The following PCNX2 variants were observed in gnomAD, a reference collection of about 807,000 sequenced individuals.
PCNX2 encodes the protein pecanex 2, also known as pecanex-like protein 2.
PCNX2 carries 168 observed loss-of-function variants against 223.8 expected under a neutral mutation model. That is an observed-to-expected ratio of 0.75 (90% CI 0.66 to 0.85). PCNX2 has a LOEUF of 0.85. Ranked by LOEUF, PCNX2 falls within the 40% of genes least tolerant of loss-of-function variation. PCNX2 has a pLI of 0.00. For missense variants in PCNX2, 2,507 were observed against 2,675.5 expected (o/e 0.94, Z 1.39); for synonymous variants, 1,006 against 1,052.6 (o/e 0.96, Z 0.86).
intron 28 of PCNX2, among the ~76,000 whole-genome samples, chr1:233,012,181 C>CTCTCTATAAAATTTCCTAAAA (rs1670492035): frequency 6.6e-6 from 1 of 152,170 alleles, no homozygotes; most frequent in South Asian, 2.1e-4. Context: ...TTTCCCTAAA[C>CTCTCTATAAAATTTCCTAAAA]AGTATCTATA....
At chr1:233,077,947 G>C (rs920618849) in intron 23 of PCNX2, among the ~76,000 whole-genome samples, 1 of 152,140 alleles carries the variant, frequency 6.6e-6, no homozygotes, top group Non-Finnish European at 1.5e-5. Flanking sequence ...AAAGTGACAA[G>C]AAAAATTAGA....
At chr1:233,101,197 G>A (rs1268018132) in intron 21 of PCNX2, among the ~76,000 whole-genome samples, 1 of 152,184 alleles carries the variant, frequency 6.6e-6, no homozygotes, top group Non-Finnish European at 1.5e-5. Context: ...ACCATCAGAT[G>A]TTTTGAGGCA....
At chr1:233,089,893 C>T in intron 23 of PCNX2, 168 bp downstream of exon 23, 5 of 1,404,806 alleles carry the variant, frequency 3.6e-6, no homozygotes, top group Non-Finnish European at 4.6e-6. Flanking sequence ...CCCTGAGACC[C>T]AAGAGCTGAG....
intron 19 of PCNX2, among the ~76,000 whole-genome samples, chr1:233,155,224 G>A (rs1678049800): frequency 1.3e-5 from 2 of 152,130 alleles, no homozygotes; most frequent in African/African-American, 4.8e-5. Flanking sequence ...CCAAGTAGCT[G>A]GGACTACAGG....
intron 25 of PCNX2, among the ~76,000 whole-genome samples, chr1:233,040,271 C>T (rs1195036806): frequency 1.3e-5 from 2 of 152,166 alleles, no homozygotes; most frequent in African/African-American, 4.8e-5. Flanking sequence ...CACATACCTC[C>T]ATGCCTAGAT....
At chr1:233,232,085 G>A (rs762192118) in intron 9 of PCNX2, among the ~76,000 whole-genome samples, 2 of 152,184 alleles carry the variant, frequency 1.3e-5, no homozygotes, top group Non-Finnish European at 2.9e-5. Flanking sequence ...AACTTTGAGG[G>A]ATAAAACATA....
At chr1:233,163,963 C>T (rs888103687) in intron 17 of PCNX2, among the ~76,000 whole-genome samples, 4 of 152,032 alleles carry the variant, frequency 2.6e-5, no homozygotes, top group African/African-American at 7.3e-5. Context: ...TGAATTTGTT[C>T]CCAGTTTTTG....
At position 233,014,729 on chromosome 1, in the gene PCNX2, A is replaced by T. The variant is rs1184718192; in HGVS notation, c.4888T>A (p.Ser1630Thr). The change falls in exon 28 of 34, where the codon TCC becomes ACC. Residue 1630 changes from serine (S) to threonine (T), a missense_variant. Physicochemically the swap from Ser to Thr is moderately conservative, Grantham distance 58. Coordinates refer to ENST00000258229, the MANE Select transcript of PCNX2 (RefSeq NM_014801.4). ...CTCCCCAGGGTGCACAGGGCGAAGG[A>T]CAGAGTCACCAAGGGAGAGTCCTCG... ...SDEDSPLVTL[S>T]FALCTLGRRA... The T allele has an allele frequency of 6.2e-7, 1 of 1,614,026 alleles. No individual in the cohort carries two copies. Among genetic ancestry groups the T allele is most frequent in the South Asian group, 1.1e-5 (1 of 91,082 alleles).
At chr1:233,217,989 G>A in intron 11 of PCNX2, 42 bp downstream of exon 11, 2 of 1,613,216 alleles carry the variant, frequency 1.2e-6, no homozygotes, top group Middle Eastern at 3.3e-4. Context: ...GGCTACATTA[G>A]TGACAGCACA....
At position 233,001,816 on chromosome 1, in the gene PCNX2, C is replaced by T. The variant is rs1670098808; in HGVS notation, c.4953-135G>A. On this transcript the variant is annotated intron_variant, in intron 28 of 33. Transcript: ENST00000258229. This position sits in a 1 kb window ranked among gnomAD's most constrained non-coding sequence, Gnocchi z 4.2. Reference sequence around the variant, plus strand: ...TAGCAAGAAAATGAAGATAACAGGACTCATCCCAGTGCACCTAGTGCCTAC... The same window carrying T: ...TAGCAAGAAAATGAAGATAACAGGATTCATCCCAGTGCACCTAGTGCCTAC... 2 of 896,762 alleles carry T rather than the reference C, an allele frequency of 2.2e-6. No homozygotes were observed. The highest frequency in any genetic ancestry group is 3.1e-6 in the Non-Finnish European group (2 of 651,570). 55.6% of individuals were successfully genotyped at this position (896,762 alleles called of 1,614,324 possible). A position where few individuals can be genotyped will look rare whatever the true frequency, so the allele number is the denominator to read the frequency against.
intron 19 of PCNX2, among the ~76,000 whole-genome samples, chr1:233,144,340 G>T (rs1053032426): frequency 6.6e-6 from 1 of 151,906 alleles, no homozygotes; most frequent in Non-Finnish European, 1.5e-5. Context: ...GTTTACTTCA[G>T]TCAGGTAACT....
intron 22 of PCNX2, 28 bp from the exon 23 acceptor site, chr1:233,090,218 A>T (rs1673802720): frequency 6.3e-7 from 1 of 1,596,124 alleles, no homozygotes; most frequent in Non-Finnish European, 8.5e-7. Flanking sequence ...AGGCAAAAAA[A>T]AAAATTATGA....
intron 25 of PCNX2, among the ~76,000 whole-genome samples, chr1:233,028,564 G>A (rs1244926159): frequency 6.6e-6 from 1 of 152,112 alleles, no homozygotes; most frequent in Non-Finnish European, 1.5e-5. Flanking sequence ...TGTTTGTAAG[G>A]AATGCAACTT....
intron 32 of PCNX2, among the ~76,000 whole-genome samples, chr1:232,995,191 T>C (rs10910644): frequency 0.24 from 36,735 of 151,944 alleles, 4,756 homozygotes; most frequent in African/African-American, 0.31. Context: ...AAGAGCAGGG[T>C]GGCAGCAAGG....
chr1:233,315,427 C>T, the PCNX2 span, among the ~76,000 whole-genome samples: 2 of 152,132 alleles, frequency 1.3e-5, no homozygotes, highest in Non-Finnish European at 2.9e-5. Context: ...CTCATTACTT[C>T]TCATTGTAGT....
At chr1:233,004,758 A>G (rs1020568322) in intron 28 of PCNX2, among the ~76,000 whole-genome samples, 1 of 152,194 alleles carries the variant, frequency 6.6e-6, no homozygotes, top group Non-Finnish European at 1.5e-5. Context: ...TAGCATTTCA[A>G]CGTGAAATGT....
At chr1:233,016,752 C>A in intron 27 of PCNX2, 169 bp downstream of exon 27, 1 of 975,298 alleles carries the variant, frequency 1.0e-6, no homozygotes, top group Non-Finnish European at 1.2e-6. Flanking sequence ...TATATTGATT[C>A]TCCTATTTAA....
intron 32 of PCNX2, 67 bp from the exon 33 acceptor site, chr1:232,986,607 A>G (rs1160473128): frequency 3.6e-6 from 5 of 1,391,144 alleles, no homozygotes; most frequent in Non-Finnish European, 4.7e-6. Context: ...TGTGTGGTGC[A>G]GCAGGTGGCC....
At chr1:233,112,861 C>G in intron 21 of PCNX2, 2 of 1,287,778 alleles carry the variant, frequency 1.6e-6, no homozygotes, top group Non-Finnish European at 2.0e-6. Flanking sequence ...GGCTGAAGGG[C>G]AGAGGAGTTA....
Sources: gnomAD v4.1 joint callset for allele counts (sites outside exome capture counted in the v4.1 genomes callset) on GRCh38, gnomAD v4.1.1 for gene constraint, Gnocchi (gnomAD v3.1) non-coding constraint, MANE v1.5 for transcripts, NCBI Gene and HGNC (gene_info 2026-07-23, HGNC 2026-07-21) for gene names.